The following FAM20A variants were observed in gnomAD, a reference collection of about 807,000 sequenced individuals.
The protein encoded by FAM20A is pseudokinase FAM20A.
FAM20A carries 42 observed loss-of-function variants against 52.0 expected under a neutral mutation model. That is an observed-to-expected ratio of 0.81 (90% confidence interval 0.63 to 1.04). The LOEUF (loss-of-function observed/expected upper bound fraction) is 1.04, where lower values mean the gene tolerates loss of function less well. Ranked by LOEUF, FAM20A falls within the 50% of genes least tolerant of loss-of-function variation. The pLI, the probability that FAM20A is intolerant of heterozygous loss-of-function variation, is 0.00. For missense variants in FAM20A, 742 were observed against 712.7 expected (o/e 1.04, Z -0.47); for synonymous variants, 304 against 298.9 (o/e 1.02, Z -0.18).
At chr17:68,553,411 A>G (rs1380509995) in intron 3 of FAM20A, among the ~76,000 whole-genome samples, 1 of 152,232 alleles carries the variant, frequency 6.6e-6, no homozygotes, top group African/African-American at 2.4e-5. Flanking sequence ...TTTGACACAC[A>G]CCATCAGATG....
At chr17:68,563,386 CAAAA>C (rs3059269) in intron 1 of FAM20A, among the ~76,000 whole-genome samples, 129 of 117,848 alleles carry the variant, frequency 1.1e-3, no homozygotes, top group Middle Eastern at 4.2e-3. Flanking sequence ...GACTCCGTCT[CAAAA>C]AAAAAAAAAA....
At chr17:68,591,091 C>CTTTGTTTTGT (rs2088291311) in intron 1 of FAM20A, among the ~76,000 whole-genome samples, 1 of 66,492 alleles carries the variant, frequency 1.5e-5, no homozygotes, top group African/African-American at 7.5e-5. Context: ...AGTCCAAGGA[C>CTTTGTTTTGT]TCTGTTTTGT....
intron 4 of FAM20A, among the ~76,000 whole-genome samples, chr17:68,547,232 CAA>C (rs1014477515): frequency 2.6e-5 from 4 of 152,198 alleles, no homozygotes; most frequent in African/African-American, 4.8e-5. Flanking sequence ...TATCACCTAA[CAA>C]GAGAGTCAGC....
Position 68,537,917 on chromosome 17 carries a change from C to G in FAM20A, c.1362-176G>C, listed in dbSNP as rs2086142163. Among the ~76,000 whole-genome samples, 1 of 152,140 alleles carries G rather than the reference C, an allele frequency of 6.6e-6. No individual in the cohort carries two copies. Among genetic ancestry groups the G allele is most frequent in the African/African-American group, 2.4e-5 (1 of 41,420 alleles). On this transcript the variant is annotated intron_variant, in intron 10 of 10. Transcript: ENST00000592554. This position sits in a 1 kb window ranked among gnomAD's most constrained non-coding sequence, Gnocchi z 4.2. The stretch of plus-strand genomic sequence containing the variant: ...AAGGGAACAAATGAAAGGCAAAATC[C>G]AGTATCCTGCAGTCCTTTGCCCAAT...
rs980804252 is a variant in FAM20A, at chr17:68,546,414, A to G, written c.720-2693T>C. ...TTTTTACCTCCTTCCACGCATCACA[A>G]ATTTTCTTAATGGCATCTAGAATGG... On this transcript the variant is annotated intron_variant, in intron 4 of 10. Coordinates refer to ENST00000592554, the MANE Select transcript of FAM20A (RefSeq NM_017565.4). Among the ~76,000 whole-genome samples the G allele has an allele frequency of 1.1e-4, 16 of 152,000 alleles. 1 individual carries two copies. The highest frequency in any genetic ancestry group is 2.6e-4 in the Admixed American group (4 of 15,278).
chr17:68,548,358 C>T (rs894621492), intron 4 of FAM20A, among the ~76,000 whole-genome samples: 8 of 152,216 alleles, frequency 5.3e-5, no homozygotes, highest in East Asian at 3.9e-4. Context: ...GGTGAAACCC[C>T]GTCTCTACTA....
chr17:68,543,646 T>G lies in FAM20A; in HGVS notation c.795A>C (p.Ala265=). The change falls in exon 5 of 11, where the codon GCA becomes GCC. Residue 265 remains alanine, a synonymous_variant. Coordinates refer to ENST00000592554, the MANE Select transcript of FAM20A (RefSeq NM_017565.4). Reference sequence around the variant, plus strand: ...GACCCTACCTGTCCAGATGGAAAGCTGCGATCTCAGCATTGTGTCTCTGAA... The same window carrying G: ...GACCCTACCTGTCCAGATGGAAAGCGGCGATCTCAGCATTGTGTCTCTGAA... ...IDFQRHNAEI[A]AFHLDRILDF... The G allele has an allele frequency of 6.2e-7, 1 of 1,614,120 alleles. No individual in the cohort carries two copies. The highest frequency in any genetic ancestry group is 8.5e-7 in the Non-Finnish European group (1 of 1,179,990).
chr17:68,544,634 C>T (rs1337322510), intron 4 of FAM20A, among the ~76,000 whole-genome samples: 6 of 152,154 alleles, frequency 3.9e-5, no homozygotes, highest in East Asian at 1.9e-4. Flanking sequence ...CCAAAAAACA[C>T]GAGTGAGTCC....
chr17:68,566,225 T>C (rs961414176), intron 1 of FAM20A, among the ~76,000 whole-genome samples: 2 of 152,258 alleles, frequency 1.3e-5, no homozygotes, highest in Non-Finnish European at 2.9e-5. Context: ...TGCCATATTT[T>C]GAGTAATAGT....
chr17:68,541,885 C>T lies in FAM20A; in HGVS notation c.1109+100G>A, dbSNP rs1438597200. 2.2e-6 allele frequency: 3 copies of T among 1,394,858 alleles called. No individual in the cohort carries two copies. In the Admixed American group the frequency reaches 6.1e-5, roughly 29 times the overall value. 86.4% of individuals were successfully genotyped at this position (1,394,858 alleles called of 1,614,324 possible). ...GAAATGGGGCAAAGGAGTATTGAGG[C>T]AGCTTTTCAGATTCAAAAGCCAAGC... On this transcript the variant is annotated intron_variant, in intron 7 of 10. Transcript: ENST00000592554.
intron 1 of FAM20A, among the ~76,000 whole-genome samples, chr17:68,572,841 T>C (rs1267782732): frequency 2.0e-5 from 3 of 152,206 alleles, no homozygotes; most frequent in Non-Finnish European, 4.4e-5. Flanking sequence ...CTTCCCTTTC[T>C]GTTCATCTGC....
At chr17:68,543,966 C>G (rs777353554) in intron 4 of FAM20A, among the ~76,000 whole-genome samples, 60 of 152,182 alleles carry the variant, frequency 3.9e-4, no homozygotes, top group Non-Finnish European at 7.9e-4. Context: ...ACCAAGTTTC[C>G]TGCTTAAGAA....
At chr17:68,541,206 A>T in intron 7 of FAM20A, 1 of 505,502 alleles carries the variant, frequency 2.0e-6, no homozygotes, top group South Asian at 2.0e-5. Flanking sequence ...TGTGTGCCAG[A>T]GGGGAGAGGC....
intron 1 of FAM20A, among the ~76,000 whole-genome samples, chr17:68,599,982 G>A (rs766470431): frequency 6.6e-6 from 1 of 152,182 alleles, no homozygotes; most frequent in Non-Finnish European, 1.5e-5. Context: ...GCTCAACGAC[G>A]ACCCAGGCGC....
chr17:68,543,550 C>T (rs1204953923), intron 5 of FAM20A, 79 bp downstream of exon 5: 2 of 1,274,318 alleles, frequency 1.6e-6, no homozygotes, highest in South Asian at 1.2e-5. Flanking sequence ...GGAGTTCCCA[C>T]CTTGAGGGTC....
Position 68,555,707 on chromosome 17 carries a change from G to A in FAM20A, c.441C>T (p.Thr147=), listed in dbSNP as rs1408954517. ...HKMYREQMNL[T]SLDPPLQLRL... is the part of the protein sequence containing the mutation. ...GGAGCTGCAGTGGGGGGTCCAGGGA[G>A]GTAAGGTTCATCTGCTCTCTGTACA... The change falls in exon 2 of 11, where the codon ACC becomes ACT. Residue 147 remains threonine, a synonymous_variant. Transcript: ENST00000592554. The A allele has an allele frequency of 6.2e-7, 1 of 1,613,862 alleles. No individual in the cohort carries two copies. Among genetic ancestry groups the A allele is most frequent in the African/African-American group, 1.3e-5 (1 of 74,896 alleles).
chr17:68,586,981 C>A (rs555341436), intron 1 of FAM20A, among the ~76,000 whole-genome samples: 1 of 152,240 alleles, frequency 6.6e-6, no homozygotes, highest in African/African-American at 2.4e-5. Context: ...ACCTCCGCCT[C>A]TCAGATTCAA....
At chr17:68,550,531 C>T (rs1397613432) in intron 4 of FAM20A, among the ~76,000 whole-genome samples, 1 of 152,006 alleles carries the variant, frequency 6.6e-6, no homozygotes, top group Non-Finnish European at 1.5e-5. Flanking sequence ...CATACACGCA[C>T]CACCATACCT....
chr17:68,560,379 C>G (rs1035799025), intron 1 of FAM20A, among the ~76,000 whole-genome samples: 43 of 151,434 alleles, frequency 2.8e-4, no homozygotes, highest in Non-Finnish European at 5.3e-4. Context: ...GGAATGCTAT[C>G]TCATCTCTCC....
Sources: gnomAD v4.1 joint callset for allele counts (sites outside exome capture counted in the v4.1 genomes callset) on GRCh38, gnomAD v4.1.1 for gene constraint, Gnocchi (gnomAD v3.1) non-coding constraint, MANE v1.5 for transcripts, NCBI Gene and HGNC (gene_info 2026-07-23, HGNC 2026-07-21) for gene names.